MANSC1: variants seen among roughly 807,000 people sequenced by gnomAD.
The protein encoded by MANSC1 is MANSC domain containing 1.
In MANSC1, 13 loss-of-function variants were observed where a neutral mutation model predicts 14.1. That is an observed-to-expected ratio of 0.92 (90% CI 0.60 to 1.46). The LOEUF (loss-of-function observed/expected upper bound fraction) is 1.46, where lower values mean the gene tolerates loss of function less well. MANSC1 is among the 40% of genes most tolerant of loss of function. The pLI is 0.00. For missense variants in MANSC1, 486 were observed against 511.4 expected (o/e 0.95, Z 0.48); for synonymous variants, 227 against 200.7 (o/e 1.13, Z -1.11).
At chr12:12,344,916 CATATATAT>C (rs536743365) in intron 1 of MANSC1, among the ~76,000 whole-genome samples, 763 of 33,338 alleles carry the variant, frequency 0.023, 9 homozygotes, top group Middle Eastern at 0.056. Context: ...AATAAACTCC[CATATATAT>C]ATATATATAT....
intron 2 of MANSC1, chr12:12,338,789 C>A: frequency 3.6e-6 from 2 of 555,456 alleles, no homozygotes; most frequent in East Asian, 3.3e-5. Flanking sequence ...GCACCGAAGG[C>A]GAAGAAGGAA....
At position 12,336,082 on chromosome 12, in the gene MANSC1, G is replaced by A. The variant is rs756047084; in HGVS notation, c.364+2338C>T. Among the ~76,000 whole-genome samples, 9 of 152,170 alleles carry A rather than the reference G, an allele frequency of 5.9e-5. No individual in the cohort carries two copies. In the South Asian group the frequency reaches 1.0e-3, roughly 18 times the overall value. The stretch of plus-strand genomic sequence containing the variant: ...CCCCTCCTAAGGCGGAGGTTGCAGT[G>A]AGCTGAGATCGCGCCACTGCACTCC... On this transcript the variant is annotated intron_variant, in intron 3 of 3. Transcript: ENST00000535902.
intron 3 of MANSC1, among the ~76,000 whole-genome samples, chr12:12,335,904 C>G (rs529597358): frequency 6.6e-6 from 1 of 151,824 alleles, no homozygotes. Flanking sequence ...AACTCCCGGC[C>G]GGGCACGGAG....
intron 3 of MANSC1, among the ~76,000 whole-genome samples, chr12:12,331,528 G>A (rs1339273682): frequency 6.6e-6 from 1 of 152,210 alleles, no homozygotes; most frequent in Admixed American, 6.5e-5. Flanking sequence ...GAATGCGGGG[G>A]AAGGTGTGGG....
intron 3 of MANSC1, among the ~76,000 whole-genome samples, chr12:12,332,574 G>A (rs537330686): frequency 1.3e-5 from 2 of 152,290 alleles, no homozygotes; most frequent in South Asian, 4.1e-4. Context: ...AGGCTGGAGT[G>A]CAGTGGTATG....
At chr12:12,344,636 G>GT (rs1272445442) in intron 1 of MANSC1, among the ~76,000 whole-genome samples, 2 of 150,910 alleles carry the variant, frequency 1.3e-5, no homozygotes, top group Non-Finnish European at 3.0e-5. Flanking sequence ...CGCCCGGCTG[G>GT]TTTTTTGTAT....
At chr12:12,347,492 C>A (rs755299229) in intron 1 of MANSC1, among the ~76,000 whole-genome samples, 1 of 152,168 alleles carries the variant, frequency 6.6e-6, no homozygotes, top group Admixed American at 6.5e-5. Flanking sequence ...TACTGGTCTG[C>A]GGCCCAGGGG....
At chr12:12,336,760 T>C (rs549436123) in intron 3 of MANSC1, among the ~76,000 whole-genome samples, 2 of 152,244 alleles carry the variant, frequency 1.3e-5, no homozygotes, top group South Asian at 4.1e-4. Context: ...ACTTCTGGGC[T>C]CAAGTGATCC....
At chr12:12,337,026 T>C (rs1862866604) in intron 3 of MANSC1, among the ~76,000 whole-genome samples, 1 of 152,038 alleles carries the variant, frequency 6.6e-6, no homozygotes, top group South Asian at 2.1e-4. Context: ...ATCCCAGCAC[T>C]TTGGGAGGCT....
chr12:12,336,178 T>G (rs1862856951), intron 3 of MANSC1, among the ~76,000 whole-genome samples: 1 of 152,146 alleles, frequency 6.6e-6, no homozygotes, highest in African/African-American at 2.4e-5. Context: ...CTCCTATGAC[T>G]TACAAGGTGT....
At position 12,330,146 on chromosome 12, in the gene MANSC1, C is replaced by T. The variant is rs1040146012; in HGVS notation, c.1177G>A (p.Gly393Ser). 4.3e-6 allele frequency: 7 copies of T among 1,614,084 alleles called. No homozygotes were observed. Among genetic ancestry groups the T allele is most frequent in the Non-Finnish European group, 5.9e-6 (7 of 1,180,014 alleles). ...AGGCCTATCACCAGGAACAGGACACCAAAGAGCAGGGACCCGATAAGAAGC... is the reference window on the plus strand; with the variant it reads ...AGGCCTATCACCAGGAACAGGACACTAAAGAGCAGGGACCCGATAAGAAGC... ...KWLLIGSLLF[G>S]VLFLVIGLVL... is the part of the protein sequence containing the mutation. The change falls in exon 4 of 4, where the codon GGT becomes AGT. Residue 393 changes from glycine (G) to serine (S), a missense_variant. Coordinates refer to ENST00000535902, the MANE Select transcript of MANSC1 (RefSeq NM_018050.4).
At position 12,328,640 on chromosome 12, in the gene MANSC1, T is replaced by G. The variant is rs1457998756; in HGVS notation, c.*1387A>C. On this transcript the variant is annotated 3_prime_UTR_variant, in exon 4 of 4. Transcript: ENST00000535902. ...TTTAAGTAAGGATATAAAATAATAG[T>G]GGTACATTTTTAACTTAGTACAAGT... is the stretch of plus-strand genomic sequence containing the variant. 1 of 151,808 alleles carries G rather than the reference T, an allele frequency of 6.6e-6. No homozygotes were observed. Among genetic ancestry groups the G allele is most frequent in the Non-Finnish European group, 1.5e-5 (1 of 68,006 alleles). The allele number at this position is 151,808 out of a possible 1,614,324, so 9.4% of individuals were successfully genotyped here. A position where few individuals can be genotyped will look rare whatever the true frequency, so the allele number is the denominator to read the frequency against.
At chr12:12,331,033 T>C (rs1862783387) in intron 3 of MANSC1, 75 bp from the exon 4 acceptor site, 1 of 949,338 alleles carries the variant, frequency 1.1e-6, no homozygotes. Flanking sequence ...TACAAACATA[T>C]CAGCTTGTTC....
rs984199331 is a variant in MANSC1 at position 12,326,517 on chromosome 12, G to T, written c.*3510C>A. On this transcript the variant is annotated 3_prime_UTR_variant, in exon 4 of 4. Transcript: ENST00000535902. The stretch of plus-strand genomic sequence containing the variant: ...GTCTGGGAGCCAAAGAGTTCCAAAA[G>T]TTCCTCACTCAGGCCAGGGGTAATT... 6.6e-6 allele frequency: 1 copy of T among 152,100 alleles called. No homozygotes were observed. Among genetic ancestry groups the T allele is most frequent in the Non-Finnish European group, 1.5e-5 (1 of 68,060 alleles). The allele number at this position is 152,100 out of a possible 1,614,324, so 9.4% of individuals were successfully genotyped here.
At chr12:12,336,580 G>A (rs1311072618) in intron 3 of MANSC1, among the ~76,000 whole-genome samples, 1 of 152,044 alleles carries the variant, frequency 6.6e-6, no homozygotes, top group Non-Finnish European at 1.5e-5. Context: ...AGGCTAGAGT[G>A]TAGTGGCATG....
intron 1 of MANSC1, among the ~76,000 whole-genome samples, chr12:12,344,915 CCATATATATATATATATATA>C (rs1358347490): frequency 2.7e-4 from 8 of 30,060 alleles, no homozygotes; most frequent in African/African-American, 7.8e-4. Flanking sequence ...TAATAAACTC[CCATATATATATATATATATA>C]TATATATATA....
At chr12:12,343,630 C>T (rs768064028) in intron 1 of MANSC1, among the ~76,000 whole-genome samples, 3 of 152,182 alleles carry the variant, frequency 2.0e-5, no homozygotes, top group Non-Finnish European at 2.9e-5. Context: ...TACTACCTCA[C>T]CAATGCTTAA....
At position 12,330,888 on chromosome 12, in the gene MANSC1, T is replaced by C. The variant is rs141549975; in HGVS notation, c.435A>G (p.Gln145=). ...CTAGGGGAGTGACTGCTTGTGAAAA[T>C]TGGCCATGTAAGAGAGAATCTTCCT... is the stretch of plus-strand genomic sequence containing the variant. The part of the protein sequence containing the change: ...LPQEDSLLHG[Q]FSQAVTPLAH... The change falls in exon 4 of 4, where the codon CAA becomes CAG. Residue 145 remains glutamine (Q), a synonymous_variant. Coordinates refer to ENST00000535902, the MANE Select transcript of MANSC1 (RefSeq NM_018050.4). 7.1e-5 allele frequency: 115 copies of C among 1,613,434 alleles called. No homozygotes were observed. The highest frequency in any genetic ancestry group is 2.3e-4 in the Admixed American group (14 of 59,894).
intron 1 of MANSC1, among the ~76,000 whole-genome samples, chr12:12,345,043 C>T (rs1250544230): frequency 4.2e-5 from 6 of 142,366 alleles, no homozygotes; most frequent in East Asian, 2.1e-4. Flanking sequence ...TGGCCGGGTG[C>T]GGTGGCTCAT....
Sources: allele counts gnomAD v4.1 joint callset (sites outside exome capture counted in the v4.1 genomes callset), GRCh38; gene constraint gnomAD v4.1.1; transcripts MANE v1.5; gene names NCBI Gene and HGNC (gene_info 2026-07-23, HGNC 2026-07-21).